The following ACSF2 variants were observed in gnomAD, a reference collection of about 807,000 sequenced individuals.
The protein encoded by ACSF2 is acyl-CoA synthetase family member 2.
A neutral mutation model predicts 79.3 loss-of-function variants in ACSF2; 52 were observed. That is an observed-to-expected ratio of 0.66 (90% CI 0.53 to 0.83). ACSF2 has a LOEUF of 0.83. ACSF2 is among the 40% of genes least tolerant of loss of function. The pLI is 0.00. For missense variants in ACSF2, 661 were observed against 803.3 expected, an observed-to-expected ratio of 0.82 and a Z score of 2.14; for synonymous variants, 283 against 312.6, an observed-to-expected ratio of 0.91 and a Z score of 1.00.
chr17:50,453,872 T>G (rs1409124747), intron 1 of ACSF2, among the ~76,000 whole-genome samples: 1 of 151,618 alleles, frequency 6.6e-6, no homozygotes, highest in African/African-American at 2.4e-5. Flanking sequence ...CTTGAACTAC[T>G]AGGCTCAAGA....
intron 1 of ACSF2, among the ~76,000 whole-genome samples, chr17:50,442,296 A>C (rs1318857027): frequency 6.6e-6 from 1 of 150,808 alleles, no homozygotes; most frequent in Non-Finnish European, 1.5e-5. Flanking sequence ...CAAGAGTGAA[A>C]CTCCATCCCA....
At chr17:50,465,628 C>G in intron 10 of ACSF2, 2 of 1,555,662 alleles carry the variant, frequency 1.3e-6, no homozygotes, top group South Asian at 2.3e-5. Context: ...GGATGCATGT[C>G]CAACATGTCT....
chr17:50,468,327 GCAGCT>G (rs2032878394), intron 10 of ACSF2: 1 of 1,614,016 alleles, frequency 6.2e-7, no homozygotes, highest in Admixed American at 1.7e-5. Context: ...GCGCCTGCGC[GCAGCT>G]CACGGATCTT....
chr17:50,436,738 CTTTT>C (rs79314993), intron 1 of ACSF2, among the ~76,000 whole-genome samples: 1 of 132,326 alleles, frequency 7.6e-6, no homozygotes, highest in Non-Finnish European at 1.6e-5. Context: ...CCAGGCAGTT[CTTTT>C]TTTTTTTTTT....
chr17:50,463,842 C>G lies in ACSF2; in HGVS notation c.1071C>G (p.Pro357=), dbSNP rs753090663. 8 of 1,614,156 alleles carry G rather than the reference C, an allele frequency of 5.0e-6. No individual in the cohort carries two copies. The highest frequency in any genetic ancestry group is 6.8e-6 in the Non-Finnish European group (8 of 1,180,018). The stretch of plus-strand genomic sequence containing the variant: ...GAGGCACCTTCCTGTATGGTACCCC[C>G]ACGATGTTCGTGGACATTCTGAACC... ...RERGTFLYGT[P]TMFVDILNQP... is the part of the protein sequence containing the mutation. The change falls in exon 9 of 16, where the codon CCC becomes CCG. Residue 357 remains proline (P), a synonymous_variant. Transcript: ENST00000300441. This position sits in a 1 kb window ranked among gnomAD's most constrained non-coding sequence, Gnocchi z 4.6.
rs2033237587 is a variant in ACSF2 at position 50,474,078 on chromosome 17, G to A, written c.1728+74G>A. On this transcript the variant is annotated intron_variant, in intron 14 of 15. Transcript: ENST00000300441. The surrounding 1 kb of genome is among the most constrained non-coding windows in gnomAD (Gnocchi z 4.2). Reference sequence around the variant, plus strand: ...CCCACTCCTCTGCCAACCAGCCCAGGGTGGGGATTGCTCTGCCCTTGACGA... The same window carrying A: ...CCCACTCCTCTGCCAACCAGCCCAGAGTGGGGATTGCTCTGCCCTTGACGA... The A allele has an allele frequency of 1.9e-5, 30 of 1,570,206 alleles. No homozygotes were observed. The highest frequency in any genetic ancestry group is 2.7e-5 in the African/African-American group (2 of 74,142).
chr17:50,472,615 T>C (rs765793893), intron 12 of ACSF2, 36 bp downstream of exon 12: 8 of 1,564,896 alleles, frequency 5.1e-6, no homozygotes, highest in Admixed American at 3.8e-5. Flanking sequence ...CTCTGGCCGC[T>C]GAGGGGAGGC....
chr17:50,473,214 C>G (rs1044757243), intron 12 of ACSF2: 1 of 161,600 alleles, frequency 6.2e-6, no homozygotes, highest in African/African-American at 2.4e-5. Flanking sequence ...ACCGAGATCG[C>G]GCCACTGCAC....
Position 50,474,201 on chromosome 17 carries a change from C to G in ACSF2, c.1731C>G (p.Ile577Met). ...ACCTCCCTCCCTCTGGTCTGCAGAT[C>G]TCTCACTTCAAGATTCCGAAGTACA... Reference protein sequence around the residue: ...EEIKAFCKGKISHFKIPKYIV... With the variant: ...EEIKAFCKGKMSHFKIPKYIV... The change falls in exon 15 of 16, where the codon ATC (isoleucine) becomes ATG (methionine). Residue 577 changes from isoleucine (I) to methionine (M), a missense_variant and splice_region_variant. Physicochemically the swap from Ile to Met is conservative, Grantham distance 10. Transcript: ENST00000300441. This position sits in a 1 kb window ranked among gnomAD's most constrained non-coding sequence, Gnocchi z 4.2. The G allele has an allele frequency of 6.2e-7, 1 of 1,614,222 alleles. No individual in the cohort carries two copies.
At chr17:50,470,032 T>C (rs2033032786) in intron 10 of ACSF2, 1 of 152,316 alleles carries the variant, frequency 6.6e-6, no homozygotes, top group Non-Finnish European at 1.5e-5. Flanking sequence ...CACAGGATAT[T>C]GTCTGTGATG....
At chr17:50,437,163 A>T (rs2030498443) in intron 1 of ACSF2, among the ~76,000 whole-genome samples, 1 of 152,210 alleles carries the variant, frequency 6.6e-6, no homozygotes. Context: ...GAAGAATGAG[A>T]TCACAAAACT....
Position 50,474,197 on chromosome 17 carries a change from A to C in ACSF2, c.1729-2A>C. ...CCTTACCTCCCTCCCTCTGGTCTGC[A>C]GATCTCTCACTTCAAGATTCCGAAG... On this transcript the variant is annotated splice_acceptor_variant, in intron 14 of 15. Coordinates refer to ENST00000300441, the MANE Select transcript of ACSF2 (RefSeq NM_025149.6). LOFTEE classifies it high-confidence loss of function. The surrounding 1 kb of genome is among the most constrained non-coding windows in gnomAD (Gnocchi z 4.2). The C allele has an allele frequency of 1.2e-6, 2 of 1,614,168 alleles. No individual in the cohort carries two copies. The highest frequency in any genetic ancestry group is 4.5e-5 in the East Asian group (2 of 44,860).
intron 10 of ACSF2, 21 bp downstream of exon 10, chr17:50,464,315 G>C (rs771260005): frequency 1.2e-6 from 2 of 1,613,154 alleles, no homozygotes; most frequent in Non-Finnish European, 1.7e-6. Flanking sequence ...ACTGCGGCCC[G>C]GGCTGTGGGC....
intron 1 of ACSF2, among the ~76,000 whole-genome samples, chr17:50,430,257 A>C (rs529095726): frequency 1.3e-5 from 2 of 152,232 alleles, no homozygotes; most frequent in South Asian, 4.1e-4. Context: ...ATCTGAGGCC[A>C]AAGTAATATA....
At position 50,426,367 on chromosome 17, in the gene ACSF2, T is replaced by C; in HGVS notation, c.106T>C (p.Leu36=). 2 of 1,400,190 alleles carry C rather than the reference T, an allele frequency of 1.4e-6. No homozygotes were observed. Among genetic ancestry groups the C allele is most frequent in the Non-Finnish European group, 9.3e-7 (1 of 1,069,926 alleles). The allele number at this position is 1,400,190 out of a possible 1,614,324, so 86.7% of individuals were successfully genotyped here. The change falls in exon 1 of 16, where the codon TTG becomes CTG. Residue 36 remains leucine, a synonymous_variant. Transcript: ENST00000300441. ...CTCTCGGAGTTGGCAGGAAGCCAGG[T>C]TGCAGGGTGTCCGCTTCCTCAGGTA... is the stretch of plus-strand genomic sequence containing the variant. The part of the protein sequence containing the change: ...ALSRSWQEAR[L]QGVRFLSSRE...
intron 1 of ACSF2, among the ~76,000 whole-genome samples, chr17:50,437,531 C>T (rs1347327586): frequency 6.6e-6 from 1 of 152,098 alleles, no homozygotes; most frequent in African/African-American, 2.4e-5. Context: ...GTGGCTCCTG[C>T]CTGTGGTCCC....
intron 10 of ACSF2, among the ~76,000 whole-genome samples, chr17:50,466,891 C>T (rs754567128): frequency 6.6e-6 from 1 of 152,218 alleles, no homozygotes; most frequent in Non-Finnish European, 1.5e-5. Flanking sequence ...CAGGGGACTC[C>T]AACTTCAGCT....
chr17:50,454,161 C>A (rs1170293883), intron 1 of ACSF2, among the ~76,000 whole-genome samples: 1 of 147,856 alleles, frequency 6.8e-6, no homozygotes, highest in Non-Finnish European at 1.5e-5. Context: ...AGAGTAAGAC[C>A]GTCCCAAATT....
At chr17:50,431,846 A>G (rs1197514850) in intron 1 of ACSF2, among the ~76,000 whole-genome samples, 1 of 152,152 alleles carries the variant, frequency 6.6e-6, no homozygotes, top group Admixed American at 6.6e-5. Context: ...TCTGGATTCA[A>G]ATGAACCACT....
Sources: gnomAD v4.1 joint callset for allele counts (sites outside exome capture counted in the v4.1 genomes callset) on GRCh38, gnomAD v4.1.1 for gene constraint, Gnocchi (gnomAD v3.1) non-coding constraint, MANE v1.5 for transcripts, NCBI Gene and HGNC (gene_info 2026-07-23, HGNC 2026-07-21) for gene names.